SGIP1: variants seen among roughly 807,000 people sequenced by gnomAD.
SGIP1 encodes SH3GL interacting endocytic adaptor 1.
SGIP1 carries 38 observed loss-of-function variants against 107.5 expected under a neutral mutation model. That is an observed-to-expected ratio of 0.35 (90% CI 0.27 to 0.46). SGIP1 has a LOEUF of 0.46. Among genes scored for constraint, SGIP1 ranks in the 20% least tolerant of loss-of-function variants. SGIP1 has a pLI of 1.00. For missense variants in SGIP1, 929 were observed against 1,019.5 expected (o/e 0.91, Z 1.21); for synonymous variants, 365 against 366.1 (o/e 1.00, Z 0.03).
intron 18 of SGIP1, among the ~76,000 whole-genome samples, chr1:66,708,757 G>A (rs523132): frequency 0.61 from 86,794 of 143,180 alleles, 25,920 homozygotes; most frequent in East Asian, 1. Flanking sequence ...TATGTTCCTG[G>A]ACTGAGCAGA....
At chr1:66,630,300 C>G (rs2073980745) in intron 2 of SGIP1, among the ~76,000 whole-genome samples, 1 of 152,162 alleles carries the variant, frequency 6.6e-6, no homozygotes, top group Non-Finnish European at 1.5e-5. Flanking sequence ...TGAGCAACAC[C>G]ACAGCCAGGC....
At chr1:66,653,531 T>G (rs752188024) in intron 7 of SGIP1, among the ~76,000 whole-genome samples, 1 of 152,196 alleles carries the variant, frequency 6.6e-6, no homozygotes, top group Non-Finnish European at 1.5e-5. Context: ...TAGATTTTTC[T>G]TGCATAAACA....
At chr1:66,718,065 A>G (rs2093344308) in intron 18 of SGIP1, among the ~76,000 whole-genome samples, 1 of 152,166 alleles carries the variant, frequency 6.6e-6, no homozygotes. Context: ...CCAAGAGGAG[A>G]TAAAAAAGAG....
intron 1 of SGIP1, among the ~76,000 whole-genome samples, chr1:66,536,421 A>G (rs954653196): frequency 5.3e-5 from 8 of 152,202 alleles, no homozygotes; most frequent in African/African-American, 9.7e-5. Flanking sequence ...GACCTTAGAA[A>G]GGCAAATAGG....
intron 1 of SGIP1, among the ~76,000 whole-genome samples, chr1:66,625,143 A>G (rs1039739999): frequency 6.6e-6 from 1 of 152,242 alleles, no homozygotes; most frequent in Admixed American, 6.5e-5. Flanking sequence ...TGTGGGGAGC[A>G]TAGAGTAGTC....
In SGIP1 at chr1:66,643,620, G is replaced by A; in HGVS notation, c.360G>A (p.Lys120=). ...EEESHKKFNI[K]IKPLQSKDIL... The stretch of plus-strand genomic sequence containing the variant: ...AATCACATAAGAAATTTAATATCAA[G>A]ATTAAACCATTGCAATCTAAAGACA... Residue 120 remains lysine, a synonymous_variant, in exon 7 of 25, where the codon AAG becomes AAA. Coordinates refer to ENST00000371037, the MANE Select transcript of SGIP1 (RefSeq NM_032291.4). 6.2e-7 allele frequency: 1 copy of A among 1,610,582 alleles called. No individual in the cohort carries two copies. Among genetic ancestry groups the A allele is most frequent in the Non-Finnish European group, 8.5e-7 (1 of 1,178,724 alleles).
chr1:66,602,494 T>G (rs2066027959), intron 1 of SGIP1, among the ~76,000 whole-genome samples: 1 of 152,166 alleles, frequency 6.6e-6, no homozygotes, highest in Non-Finnish European at 1.5e-5. Flanking sequence ...TGGTAAGATC[T>G]GCCTCCCTGC....
chr1:66,660,727 G>A (rs375525940), intron 8 of SGIP1, among the ~76,000 whole-genome samples: 7 of 152,220 alleles, frequency 4.6e-5, no homozygotes, highest in African/African-American at 7.2e-5. Flanking sequence ...TTACAACCCC[G>A]TTATTAAGGG....
intron 1 of SGIP1, among the ~76,000 whole-genome samples, chr1:66,577,903 C>T (rs2061306133): frequency 6.6e-6 from 1 of 151,836 alleles, no homozygotes; most frequent in South Asian, 2.1e-4. Flanking sequence ...TTTTCACTTT[C>T]CCTTTCTATA....
intron 1 of SGIP1, among the ~76,000 whole-genome samples, chr1:66,536,190 C>T (rs1167644423): frequency 6.6e-6 from 1 of 152,174 alleles, no homozygotes; most frequent in East Asian, 1.9e-4. Flanking sequence ...AGCACTATTG[C>T]TCTGGGTTTG....
At chr1:66,647,342 GCA>G (rs1182397037) in intron 7 of SGIP1, among the ~76,000 whole-genome samples, 5 of 152,086 alleles carry the variant, frequency 3.3e-5, no homozygotes. Context: ...GAAGTTGCGC[GCA>G]TCACTACCAC....
chr1:66,657,967 C>A (rs1313316731), intron 7 of SGIP1, among the ~76,000 whole-genome samples: 1 of 151,852 alleles, frequency 6.6e-6, no homozygotes, highest in East Asian at 1.9e-4. Flanking sequence ...TCTGAAGAAA[C>A]CTTTAAGCTA....
chr1:66,630,108 G>C (rs1299433328), intron 2 of SGIP1, among the ~76,000 whole-genome samples: 1 of 152,170 alleles, frequency 6.6e-6, no homozygotes, highest in African/African-American at 2.4e-5. Flanking sequence ...GGACACATGA[G>C]CCACATTTCC....
intron 18 of SGIP1, among the ~76,000 whole-genome samples, chr1:66,713,746 A>G (rs1478342908): frequency 6.6e-6 from 1 of 152,120 alleles, no homozygotes; most frequent in Non-Finnish European, 1.5e-5. Flanking sequence ...ATATTTTAAT[A>G]AATTAATTAT....
chr1:66,650,899 G>C (rs2078631121), intron 7 of SGIP1, among the ~76,000 whole-genome samples: 1 of 152,126 alleles, frequency 6.6e-6, no homozygotes, highest in African/African-American at 2.4e-5. Flanking sequence ...TTAAGATACT[G>C]TGCTCTGGAG....
intron 1 of SGIP1, among the ~76,000 whole-genome samples, chr1:66,590,904 A>G (rs1458260653): frequency 6.6e-6 from 1 of 152,208 alleles, no homozygotes; most frequent in African/African-American, 2.4e-5. Context: ...ATTTCTTAAA[A>G]TGAGAAATAC....
intron 1 of SGIP1, among the ~76,000 whole-genome samples, chr1:66,588,967 A>G (rs2148848202): frequency 6.7e-6 from 1 of 150,030 alleles, no homozygotes; most frequent in African/African-American, 2.5e-5. Flanking sequence ...AAGAAAAAAA[A>G]TTCTCTACTG....
At chr1:66,728,187 A>C (rs2093846421) in intron 19 of SGIP1, among the ~76,000 whole-genome samples, 1 of 152,216 alleles carries the variant, frequency 6.6e-6, no homozygotes, top group Non-Finnish European at 1.5e-5. Context: ...TTACCTCATG[A>C]GTACATAAAA....
At chr1:66,554,850 G>T (rs1013746102) in intron 1 of SGIP1, among the ~76,000 whole-genome samples, 1 of 152,028 alleles carries the variant, frequency 6.6e-6, no homozygotes, top group African/African-American at 2.4e-5. Flanking sequence ...CTTTGCTACC[G>T]ATTTTTAACA....
Sources: gnomAD v4.1 joint callset for allele counts (sites outside exome capture counted in the v4.1 genomes callset) on GRCh38, gnomAD v4.1.1 for gene constraint, MANE v1.5 for transcripts, NCBI Gene and HGNC (gene_info 2026-07-23, HGNC 2026-07-21) for gene names.